The following CEP63 variants were observed in gnomAD, a reference collection of about 807,000 sequenced individuals.
CEP63 encodes the protein centrosomal protein of 63 kDa.
A neutral mutation model predicts 89.1 loss-of-function variants in CEP63; 84 were observed. The ratio of observed to expected loss-of-function variants is 0.94; its 90% CI spans 0.79 to 1.13. The LOEUF (loss-of-function observed/expected upper bound fraction) is 1.13, where lower values mean the gene tolerates loss of function less well. CEP63 is among the 50% of genes most tolerant of loss of function. CEP63 has a pLI of 0.00. For synonymous variants in CEP63, 267 were observed against 272.5 expected (o/e 0.98, Z 0.20); for missense variants, 838 against 813.3 (o/e 1.03, Z -0.37).
At chr3:134,714,070 G>C in the CEP63 span, among the ~76,000 whole-genome samples, 1 of 152,220 alleles carries the variant, frequency 6.6e-6, no homozygotes, top group Non-Finnish European at 1.5e-5. Flanking sequence ...TGGCAGCGGG[G>C]AGAGGGCTTT....
chr3:134,731,421 T>A, the CEP63 span, among the ~76,000 whole-genome samples: 6 of 152,142 alleles, frequency 3.9e-5, no homozygotes, highest in Non-Finnish European at 1.5e-5. Context: ...ACATATTTGA[T>A]CCCAATGCAA....
At chr3:134,724,314 G>A in the CEP63 span, among the ~76,000 whole-genome samples, 2 of 152,182 alleles carry the variant, frequency 1.3e-5, no homozygotes, top group Non-Finnish European at 2.9e-5. Flanking sequence ...CATTAGAATG[G>A]CCAAAGGCTT....
At chr3:134,688,149 G>A in the CEP63 span, among the ~76,000 whole-genome samples, 1 of 152,138 alleles carries the variant, frequency 6.6e-6, no homozygotes, top group Admixed American at 6.5e-5. Flanking sequence ...ATCGCCACAA[G>A]GTGAAAGCAA....
intron 1 of CEP63, chr3:134,486,514 C>T (rs1935449418): frequency 2.0e-6 from 2 of 984,378 alleles, no homozygotes; most frequent in African/African-American, 1.7e-5. Context: ...GTCAGCCCTT[C>T]CTCGGAGTCC....
intron 1 of CEP63, among the ~76,000 whole-genome samples, chr3:134,488,326 G>A (rs569817121): frequency 6.0e-4 from 92 of 152,248 alleles, no homozygotes; most frequent in African/African-American, 2.2e-3. Flanking sequence ...TACTGAAGAA[G>A]TGGTTGGCCG....
chr3:134,571,437 T>C (rs916828718), intron 11 of CEP63, among the ~76,000 whole-genome samples: 3 of 152,144 alleles, frequency 2.0e-5, no homozygotes, highest in Non-Finnish European at 4.4e-5. Context: ...ATCCCAGCGC[T>C]TTGGGAGACC....
chr3:134,724,805 T>C, the CEP63 span, among the ~76,000 whole-genome samples: 4 of 152,214 alleles, frequency 2.6e-5, no homozygotes, highest in Non-Finnish European at 2.9e-5. Context: ...CAAAGGCCTA[T>C]TGCAGTTTCC....
intron 12 of CEP63, 140 bp from the exon 13 acceptor site, chr3:134,558,002 G>A (rs1486738775): frequency 4.2e-6 from 3 of 712,938 alleles, no homozygotes; most frequent in Non-Finnish European, 7.5e-6. Flanking sequence ...GTTAGTCTTA[G>A]GAGGCCTAAA....
chr3:134,621,257 C>T, the CEP63 span, among the ~76,000 whole-genome samples: 34 of 152,240 alleles, frequency 2.2e-4, no homozygotes, highest in African/African-American at 8.2e-4. Flanking sequence ...GGGCTCCAAG[C>T]AGCCAAAACA....
chr3:134,739,849 A>G, the CEP63 span, among the ~76,000 whole-genome samples: 1 of 152,246 alleles, frequency 6.6e-6, no homozygotes, highest in East Asian at 1.9e-4. Context: ...TAAGTAATTC[A>G]GTAGCTGGGT....
At chr3:134,560,581 T>A (rs761480038) in intron 14 of CEP63, among the ~76,000 whole-genome samples, 1 of 151,984 alleles carries the variant, frequency 6.6e-6, no homozygotes, top group African/African-American at 2.4e-5. Flanking sequence ...CTGGATAGAG[T>A]CTGAATCCCA....
At chr3:134,556,362 C>T (rs184763382) in intron 12 of CEP63, among the ~76,000 whole-genome samples, 3 of 151,226 alleles carry the variant, frequency 2.0e-5, no homozygotes, top group South Asian at 4.2e-4. Context: ...AGAAAATTTT[C>T]GAAAGGATTT....
At chr3:134,647,438 G>C in the CEP63 span, 1 of 1,607,760 alleles carries the variant, frequency 6.2e-7, no homozygotes, top group Non-Finnish European at 8.5e-7. Flanking sequence ...AATTTACCGT[G>C]AAAGTCATTT....
At chr3:134,768,233 G>C in the CEP63 span, among the ~76,000 whole-genome samples, 1 of 152,126 alleles carries the variant, frequency 6.6e-6, no homozygotes, top group Non-Finnish European at 1.5e-5. Flanking sequence ...CAGATTCCTC[G>C]AGTGGCTGTG....
At chr3:134,537,629 C>T (rs760487542) in intron 6 of CEP63, among the ~76,000 whole-genome samples, 12 of 152,180 alleles carry the variant, frequency 7.9e-5, no homozygotes, top group Non-Finnish European at 1.5e-4. Flanking sequence ...CTTTGTCGCC[C>T]TCTCTTCCTC....
chr3:134,515,847 T>G (rs1354319219), intron 3 of CEP63, among the ~76,000 whole-genome samples: 1 of 152,204 alleles, frequency 6.6e-6, no homozygotes, highest in Non-Finnish European at 1.5e-5. Flanking sequence ...TTAAGGAAGT[T>G]CACACATTTG....
chr3:134,622,381 C>T, the CEP63 span, among the ~76,000 whole-genome samples: 147,363 of 152,326 alleles, frequency 0.97, 71,442 homozygotes, highest in East Asian at 1. Context: ...TATTCAACTA[C>T]AAAAAGAAGG....
chr3:134,493,134 CA>C (rs908558856), intron 1 of CEP63, among the ~76,000 whole-genome samples: 2 of 152,090 alleles, frequency 1.3e-5, no homozygotes, highest in Non-Finnish European at 2.9e-5. Flanking sequence ...ATAGCACTGT[CA>C]ATAAGAATAG....
chr3:134,762,526 G>A, the CEP63 span, among the ~76,000 whole-genome samples: 1 of 152,170 alleles, frequency 6.6e-6, no homozygotes, highest in Non-Finnish European at 1.5e-5. Flanking sequence ...GTTAAAATGA[G>A]TTCACTAGTA....
Sources: gnomAD v4.1 joint callset for allele counts (sites outside exome capture counted in the v4.1 genomes callset) on GRCh38, gnomAD v4.1.1 for gene constraint, MANE v1.5 for transcripts, NCBI Gene and HGNC (gene_info 2026-07-23, HGNC 2026-07-21) for gene names.